PTPRT: variants seen among roughly 807,000 people sequenced by gnomAD.
PTPRT encodes the protein protein tyrosine phosphatase receptor type T.
A neutral mutation model predicts 176.8 loss-of-function variants in PTPRT; 56 were observed. That is an observed-to-expected ratio of 0.32 (90% CI 0.26 to 0.40). The LOEUF is 0.40. Ranked by LOEUF, PTPRT falls within the 10% of genes least tolerant of loss-of-function variation. The pLI, the probability that PTPRT is intolerant of heterozygous loss-of-function variation, is 1.00. For missense variants in PTPRT, 1,540 were observed against 1,908.2 expected, an observed-to-expected ratio of 0.81 and a Z score of 3.60; for synonymous variants, 783 against 739.0, an observed-to-expected ratio of 1.06 and a Z score of -0.96.
intron 6 of PTPRT, among the ~76,000 whole-genome samples, chr20:42,717,191 AT>A: frequency 1.6e-5 from 2 of 123,326 alleles, no homozygotes; most frequent in Non-Finnish European, 3.4e-5. Flanking sequence ...TATAATAATA[AT>A]AATAATAATA....
intron 1 of PTPRT, among the ~76,000 whole-genome samples, chr20:43,144,415 G>A (rs1488470095): frequency 3.3e-5 from 5 of 152,072 alleles, no homozygotes; most frequent in Admixed American, 2.0e-4. Context: ...CAGGTTCTCA[G>A]ATACAGCCAC....
At chr20:42,209,293 G>A (rs551931585) in intron 15 of PTPRT, among the ~76,000 whole-genome samples, 10 of 151,944 alleles carry the variant, frequency 6.6e-5, no homozygotes, top group Non-Finnish European at 1.5e-5. Context: ...AAATAACTAA[G>A]ATCAGAGCAG....
intron 2 of PTPRT, among the ~76,000 whole-genome samples, chr20:42,852,488 C>G (rs2078492176): frequency 6.6e-6 from 1 of 152,074 alleles, no homozygotes; most frequent in African/African-American, 2.4e-5. Flanking sequence ...GTATCTGGTC[C>G]CTAAAACCTC....
intron 1 of PTPRT, among the ~76,000 whole-genome samples, chr20:43,186,723 A>C (rs572764822): frequency 1.3e-5 from 2 of 152,244 alleles, no homozygotes; most frequent in Non-Finnish European, 2.9e-5. Flanking sequence ...CCACGTTTGC[A>C]CATTAATTGT....
intron 12 of PTPRT, 117 bp downstream of exon 12, chr20:42,315,606 G>A (rs2057709141): frequency 2.5e-6 from 3 of 1,202,988 alleles, no homozygotes; most frequent in South Asian, 1.5e-5. Flanking sequence ...CATGAGGTAG[G>A]ATTTGCCCCA....
intron 13 of PTPRT, 55 bp downstream of exon 13, chr20:42,282,434 A>G (rs2057155343): frequency 1.3e-6 from 2 of 1,526,606 alleles, no homozygotes; most frequent in Non-Finnish European, 1.8e-6. Flanking sequence ...GGCTAGAAAG[A>G]AATACTTAAA....
chr20:42,240,228 C>T (rs1309894748), intron 14 of PTPRT, among the ~76,000 whole-genome samples: 3 of 152,242 alleles, frequency 2.0e-5, no homozygotes, highest in African/African-American at 7.2e-5. Flanking sequence ...AACTGACAAA[C>T]TTCTATTAAT....
chr20:42,773,246 T>C (rs1322219616), intron 4 of PTPRT, among the ~76,000 whole-genome samples: 1 of 152,206 alleles, frequency 6.6e-6, no homozygotes. Context: ...TCAGCACCTA[T>C]AAAGCTCAGC....
intron 12 of PTPRT, among the ~76,000 whole-genome samples, chr20:42,287,923 G>A (rs2147076209): frequency 6.6e-6 from 1 of 151,952 alleles, no homozygotes; most frequent in South Asian, 2.1e-4. Context: ...ATATTATGGA[G>A]CTGTTAACAA....
chr20:42,736,729 C>T (rs549349421), intron 6 of PTPRT, among the ~76,000 whole-genome samples: 1 of 152,258 alleles, frequency 6.6e-6, no homozygotes, highest in African/African-American at 2.4e-5. Flanking sequence ...AATTTATGCC[C>T]TTCTGTGGGC....
chr20:42,967,544 C>T (rs1023868631), intron 1 of PTPRT, among the ~76,000 whole-genome samples: 4 of 152,148 alleles, frequency 2.6e-5, no homozygotes, highest in African/African-American at 9.7e-5. Context: ...AAGTGCAGCC[C>T]TGCTGACACC....
chr20:42,348,476 G>T (rs775907151), intron 11 of PTPRT, among the ~76,000 whole-genome samples: 2 of 152,012 alleles, frequency 1.3e-5, no homozygotes, highest in Non-Finnish European at 2.9e-5. Flanking sequence ...ATAGTAAAAT[G>T]AGTGTTGGCT....
intron 9 of PTPRT, among the ~76,000 whole-genome samples, chr20:42,431,130 T>C (rs1659194857): frequency 6.6e-6 from 1 of 152,196 alleles, no homozygotes; most frequent in Admixed American, 6.5e-5. Context: ...TACAATACAT[T>C]TTGAATTCTT....
intron 9 of PTPRT, among the ~76,000 whole-genome samples, chr20:42,354,924 G>T (rs555354315): frequency 1.1e-4 from 16 of 151,562 alleles, no homozygotes; most frequent in Admixed American, 2.0e-4. Flanking sequence ...GGAGCTGAGG[G>T]CTTTGGGCTT....
chr20:42,668,454 C>T (rs537461058), intron 7 of PTPRT, among the ~76,000 whole-genome samples: 5 of 152,180 alleles, frequency 3.3e-5, no homozygotes, highest in Admixed American at 1.3e-4. Flanking sequence ...CCTCCCAGCA[C>T]TACAGTCAGC....
At chr20:42,913,743 G>T (rs1978549698) in intron 1 of PTPRT, among the ~76,000 whole-genome samples, 1 of 152,136 alleles carries the variant, frequency 6.6e-6, no homozygotes, top group South Asian at 2.1e-4. Context: ...GACAAATGAT[G>T]ACATTAACTT....
At chr20:42,068,120 A>T (rs1078394), downstream of PTPRT, among the ~76,000 whole-genome samples, 5,272 of 152,074 alleles carry the variant, frequency 0.035, 312 homozygotes, top group African/African-American at 0.12. Flanking sequence ...TATCAGTCAA[A>T]GATTTCATTG....
intron 9 of PTPRT, among the ~76,000 whole-genome samples, chr20:42,446,082 A>T (rs2070727218): frequency 6.6e-6 from 1 of 152,190 alleles, no homozygotes; most frequent in South Asian, 2.1e-4. Flanking sequence ...AATCTAATGC[A>T]TCATCCTACT....
At chr20:42,665,413 G>A (rs1400522224) in intron 7 of PTPRT, among the ~76,000 whole-genome samples, 2 of 152,060 alleles carry the variant, frequency 1.3e-5, no homozygotes, top group Non-Finnish European at 2.9e-5. Context: ...ACACCAGTTA[G>A]AATGGCAATC....
Sources: allele counts gnomAD v4.1 joint callset (sites outside exome capture counted in the v4.1 genomes callset), GRCh38; gene constraint gnomAD v4.1.1; transcripts MANE v1.5; gene names NCBI Gene and HGNC (gene_info 2026-07-23, HGNC 2026-07-21).